ZFPM2: variants seen among roughly 807,000 people sequenced by gnomAD.
The protein encoded by ZFPM2 is zinc finger protein, FOG family member 2.
A neutral mutation model predicts 98.6 loss-of-function variants in ZFPM2; 20 were observed. The observed-to-expected ratio is 0.20, with a 90% CI of 0.14 to 0.29. ZFPM2 has a LOEUF of 0.29. ZFPM2 is among the 10% of genes least tolerant of loss of function. The pLI is 1.00. For synonymous variants in ZFPM2, 518 were observed against 502.7 expected, an observed-to-expected ratio of 1.03 and a Z score of -0.41; for missense variants, 1,310 against 1,388.6, an observed-to-expected ratio of 0.94 and a Z score of 0.90.
chr8:105,332,313 C>T (rs1812248282), intron 1 of ZFPM2, among the ~76,000 whole-genome samples: 1 of 151,686 alleles, frequency 6.6e-6, no homozygotes, highest in Non-Finnish European at 1.5e-5. Flanking sequence ...TGTAAGCTCT[C>T]TGGGTGTGTG....
At chr8:105,706,639 G>T (rs1245070759) in intron 5 of ZFPM2, among the ~76,000 whole-genome samples, 5 of 152,066 alleles carry the variant, frequency 3.3e-5, no homozygotes, top group African/African-American at 1.2e-4. Context: ...GAGTACAGTG[G>T]CATGATCTCA....
At chr8:105,631,876 A>G (rs1438305411) in intron 4 of ZFPM2, among the ~76,000 whole-genome samples, 2 of 152,190 alleles carry the variant, frequency 1.3e-5, no homozygotes, top group Admixed American at 6.5e-5. Flanking sequence ...AATTATTATA[A>G]AAGTTAATTT....
At chr8:105,545,971 T>C (rs543065482) in intron 3 of ZFPM2, among the ~76,000 whole-genome samples, 4 of 152,182 alleles carry the variant, frequency 2.6e-5, no homozygotes, top group Non-Finnish European at 5.9e-5. Context: ...ACCTTTGATG[T>C]TGCCCTTTAC....
intron 4 of ZFPM2, among the ~76,000 whole-genome samples, chr8:105,562,192 C>G (rs1815153222): frequency 6.6e-6 from 1 of 152,000 alleles, no homozygotes; most frequent in Admixed American, 6.6e-5. Context: ...TGCCTGTAGT[C>G]CCAGCTACTC....
At chr8:105,417,226 CT>C (rs1811696094) in intron 1 of ZFPM2, among the ~76,000 whole-genome samples, 1 of 152,062 alleles carries the variant, frequency 6.6e-6, no homozygotes, top group South Asian at 2.1e-4. Context: ...GTTAACTAAC[CT>C]CGTGAACTTC....
At chr8:105,703,470 G>T (rs1220106751) in intron 5 of ZFPM2, among the ~76,000 whole-genome samples, 2 of 152,174 alleles carry the variant, frequency 1.3e-5, no homozygotes, top group African/African-American at 2.4e-5. Flanking sequence ...ACGAAGGGAA[G>T]GGCAATCGAG....
chr8:105,391,583 T>C (rs1370017597), intron 1 of ZFPM2, among the ~76,000 whole-genome samples: 1 of 151,720 alleles, frequency 6.6e-6, no homozygotes, highest in Non-Finnish European at 1.5e-5. Context: ...TCGTCAATAA[T>C]GTCTATAAAA....
At chr8:105,376,519 C>T (rs1810726858) in intron 1 of ZFPM2, among the ~76,000 whole-genome samples, 1 of 152,176 alleles carries the variant, frequency 6.6e-6, no homozygotes, top group Non-Finnish European at 1.5e-5. Flanking sequence ...ACATGGATCT[C>T]TAACAAGCAT....
intron 3 of ZFPM2, among the ~76,000 whole-genome samples, chr8:105,485,415 A>G (rs905219395): frequency 6.6e-6 from 1 of 151,986 alleles, no homozygotes; most frequent in African/African-American, 2.4e-5. Flanking sequence ...GGTTCTCTGG[A>G]GGCTGAGGGA....
intron 1 of ZFPM2, among the ~76,000 whole-genome samples, chr8:105,405,500 A>G (rs963330326): frequency 3.5e-5 from 5 of 144,366 alleles, no homozygotes; most frequent in African/African-American, 7.7e-5. Context: ...TCATTGTTCA[A>G]TTCCCACCTG....
At chr8:105,385,881 G>C (rs1810978864) in intron 1 of ZFPM2, among the ~76,000 whole-genome samples, 1 of 152,140 alleles carries the variant, frequency 6.6e-6, no homozygotes, top group Admixed American at 6.5e-5. Flanking sequence ...GGGAAGAATG[G>C]TGTAGTGGCT....
At chr8:105,359,407 G>A (rs1185524751) in intron 1 of ZFPM2, among the ~76,000 whole-genome samples, 5 of 137,112 alleles carry the variant, frequency 3.6e-5, no homozygotes, top group African/African-American at 8.1e-5. Flanking sequence ...ACAGAGTCTC[G>A]CTCTGTCACC....
chr8:105,706,521 T>A (rs949265770), intron 5 of ZFPM2, among the ~76,000 whole-genome samples: 3 of 152,146 alleles, frequency 2.0e-5, no homozygotes, highest in African/African-American at 7.2e-5. Context: ...GTTTTTATAT[T>A]TTTTTGTTCC....
chr8:105,578,664 GATATTA>G (rs777978041), intron 4 of ZFPM2, among the ~76,000 whole-genome samples: 79 of 151,966 alleles, frequency 5.2e-4, no homozygotes, highest in Non-Finnish European at 9.7e-4. Context: ...ACTTCACCTG[GATATTA>G]ATATTAATAC....
chr8:105,494,517 C>T (rs1312803616), intron 3 of ZFPM2, among the ~76,000 whole-genome samples: 1 of 151,988 alleles, frequency 6.6e-6, no homozygotes, highest in Admixed American at 6.6e-5. Context: ...TCCATGACTT[C>T]CTTTCCATAT....
chr8:105,799,897 G>A (rs1223786175), intron 7 of ZFPM2, among the ~76,000 whole-genome samples: 1 of 152,136 alleles, frequency 6.6e-6, no homozygotes, highest in Non-Finnish European at 1.5e-5. Flanking sequence ...CAGTGCTCTA[G>A]TACAGTTCAA....
intron 1 of ZFPM2, among the ~76,000 whole-genome samples, chr8:105,400,488 C>CCA (rs1300473948): frequency 6.6e-6 from 1 of 151,912 alleles, no homozygotes; most frequent in Non-Finnish European, 1.5e-5. Context: ...TGTTCAATTC[C>CCA]CACGAAATTT....
intron 5 of ZFPM2, among the ~76,000 whole-genome samples, chr8:105,672,638 G>A (rs1421107966): frequency 6.6e-6 from 1 of 151,954 alleles, no homozygotes; most frequent in Non-Finnish European, 1.5e-5. Flanking sequence ...TACAATTATT[G>A]TTGTTGTTTC....
In ZFPM2 at chr8:105,404,420, G is replaced by A. The variant is rs147032934; in HGVS notation, c.41-14724G>A. 5.8e-3 allele frequency among the ~76,000 whole-genome samples: 885 copies of A among 152,042 alleles called. 9 individuals carry two copies. Among genetic ancestry groups the A allele is most frequent in the African/African-American group, 0.021 (853 of 41,486 alleles). On this transcript the variant is annotated intron_variant, in intron 1 of 7. Transcript: ENST00000407775. ...GTTAGCGATCTGCCACATTCTATTT[G>A]ACGTCTTATTACTTGGTGATCCTGG...
Sources: gnomAD v4.1 joint callset for allele counts (sites outside exome capture counted in the v4.1 genomes callset) on GRCh38, gnomAD v4.1.1 for gene constraint, MANE v1.5 for transcripts, NCBI Gene and HGNC (gene_info 2026-07-23, HGNC 2026-07-21) for gene names.